Variants in L3MBTL4 observed in about 807,000 individuals in gnomAD.
The protein encoded by L3MBTL4 is L3MBTL histone methyl-lysine binding protein 4, also known as lethal(3)malignant brain tumor-like protein 4.
Under a neutral mutation model 84.5 loss-of-function variants are expected in L3MBTL4, and 70 were observed. That is an observed-to-expected ratio of 0.83 (90% CI 0.68 to 1.01). L3MBTL4 has a LOEUF of 1.01. L3MBTL4 is among the 50% of genes least tolerant of loss of function. L3MBTL4 has a pLI of 0.00. For synonymous variants in L3MBTL4, 274 were observed against 259.8 expected (o/e 1.05, Z -0.52); for missense variants, 715 against 754.8 (o/e 0.95, Z 0.62).
intron 15 of L3MBTL4, among the ~76,000 whole-genome samples, chr18:6,091,735 G>GCAGTTCAAAGAT (rs1428431817): frequency 2.0e-5 from 3 of 152,086 alleles, no homozygotes; most frequent in Admixed American, 6.5e-5. Flanking sequence ...TTTTTTTAAG[G>GCAGTTCAAAGAT]CAGTTCAAAG....
intron 14 of L3MBTL4, among the ~76,000 whole-genome samples, chr18:6,125,917 T>C (rs1034447043): frequency 6.6e-6 from 1 of 152,186 alleles, no homozygotes; most frequent in African/African-American, 2.4e-5. Flanking sequence ...TAAGAGTCAT[T>C]TCTAACTAAC....
intron 16 of L3MBTL4, among the ~76,000 whole-genome samples, chr18:6,062,485 C>T (rs925706398): frequency 2.0e-5 from 3 of 151,876 alleles, no homozygotes; most frequent in Non-Finnish European, 4.4e-5. Context: ...TCTTGGTATT[C>T]TTTGTGCTTA....
At chr18:6,325,763 C>T (rs1046412659) in intron 1 of L3MBTL4, among the ~76,000 whole-genome samples, 3 of 152,136 alleles carry the variant, frequency 2.0e-5, no homozygotes, top group Middle Eastern at 3.4e-3. Context: ...ATGTATGTTG[C>T]CTTGTATAAA....
rs1169061804 is a variant in L3MBTL4, at chr18:6,237,992, C to G, written c.756G>C (p.Glu252Asp). The G allele has an allele frequency of 6.2e-7, 1 of 1,614,146 alleles. No individual in the cohort carries two copies. Among genetic ancestry groups the G allele is most frequent in the African/African-American group, 1.3e-5 (1 of 75,026 alleles). Residue 252 changes from glutamate (E) to aspartate (D), a missense_variant, in exon 10 of 19, where the codon GAG becomes GAC. Physicochemically the swap from Glu to Asp is conservative, Grantham distance 45. Coordinates refer to ENST00000317931, the MANE Select transcript of L3MBTL4 (RefSeq NM_001330559.2). ...PYVQPVGWCQ[E>D]NGRTLIAPQG... ...GGGGTGCTATCAGAGTTCTTCCATT[C>G]TCCTGACACCAACCAACTGGCTGGA...
intron 12 of L3MBTL4, among the ~76,000 whole-genome samples, chr18:6,202,047 C>G (rs1226992889): frequency 1.3e-5 from 2 of 152,130 alleles, no homozygotes; most frequent in African/African-American, 4.8e-5. Context: ...CACCAACTTT[C>G]AGCCAGTCAA....
chr18:5,993,197 CTG>C (rs1385177102), intron 16 of L3MBTL4, among the ~76,000 whole-genome samples: 9 of 152,342 alleles, frequency 5.9e-5, no homozygotes, highest in Middle Eastern at 3.4e-3. Flanking sequence ...ACACCGTCCT[CTG>C]TTTCTACACA....
At chr18:6,063,299 CTGTGTGTGTGTGTGTG>C (rs61413638) in intron 16 of L3MBTL4, among the ~76,000 whole-genome samples, 26 of 141,246 alleles carry the variant, frequency 1.8e-4, no homozygotes, top group South Asian at 2.4e-4. Flanking sequence ...CTATAAATAT[CTGTGTGTGTGTGTGTG>C]TGTGTGTGTG....
intron 14 of L3MBTL4, among the ~76,000 whole-genome samples, chr18:6,118,013 C>T (rs1274307651): frequency 1.3e-5 from 2 of 152,104 alleles, no homozygotes; most frequent in African/African-American, 4.8e-5. Flanking sequence ...AGGCCACACT[C>T]CCAACCTCTG....
chr18:5,965,017 G>A (rs1207761802), intron 17 of L3MBTL4, among the ~76,000 whole-genome samples: 1 of 152,158 alleles, frequency 6.6e-6, no homozygotes, highest in Non-Finnish European at 1.5e-5. Context: ...TCCTGTACAA[G>A]ATATTTTCAT....
chr18:6,196,862 G>T (rs74600164), intron 12 of L3MBTL4, among the ~76,000 whole-genome samples: 285 of 152,302 alleles, frequency 1.9e-3, no homozygotes, highest in African/African-American at 6.3e-3. Flanking sequence ...CTCCTATTCA[G>T]GGAGCCAACA....
chr18:6,316,615 A>T (rs1333636396), intron 1 of L3MBTL4, among the ~76,000 whole-genome samples: 1 of 152,152 alleles, frequency 6.6e-6, no homozygotes, highest in East Asian at 1.9e-4. Flanking sequence ...TCACATTAGG[A>T]GTGCCCTCCA....
At chr18:6,116,974 T>C (rs935489365) in intron 14 of L3MBTL4, among the ~76,000 whole-genome samples, 2 of 152,228 alleles carry the variant, frequency 1.3e-5, no homozygotes, top group Non-Finnish European at 2.9e-5. Context: ...TTTTGTGGGT[T>C]CCAGAACTTC....
intron 1 of L3MBTL4, among the ~76,000 whole-genome samples, chr18:6,315,707 C>A (rs1379326964): frequency 3.9e-5 from 6 of 152,138 alleles, no homozygotes; most frequent in African/African-American, 1.4e-4. Context: ...CAAATCCTTG[C>A]CACACACAAT....
At chr18:6,152,820 G>C (rs543816961) in intron 13 of L3MBTL4, among the ~76,000 whole-genome samples, 1 of 152,004 alleles carries the variant, frequency 6.6e-6, no homozygotes, top group Non-Finnish European at 1.5e-5. Flanking sequence ...CCAATGTCTT[G>C]ATAAAGCTTT....
intron 16 of L3MBTL4, among the ~76,000 whole-genome samples, chr18:6,023,805 G>A (rs1373338341): frequency 6.6e-6 from 1 of 152,188 alleles, no homozygotes; most frequent in Non-Finnish European, 1.5e-5. Context: ...TTCCAAGTGG[G>A]ATCTGAAGTT....
chr18:5,974,673 A>G (rs2052814750), intron 16 of L3MBTL4, among the ~76,000 whole-genome samples: 1 of 152,204 alleles, frequency 6.6e-6, no homozygotes, highest in South Asian at 2.1e-4. Flanking sequence ...GATTAAAAAG[A>G]AAAGTATTCA....
At chr18:6,182,963 T>C (rs552997055) in intron 12 of L3MBTL4, among the ~76,000 whole-genome samples, 17 of 152,376 alleles carry the variant, frequency 1.1e-4, no homozygotes, top group African/African-American at 4.1e-4. Context: ...ATTGAAGGCC[T>C]GATGCAGAGG....
chr18:6,259,396 T>C (rs943193806), intron 5 of L3MBTL4: 2 of 152,340 alleles, frequency 1.3e-5, no homozygotes, highest in African/African-American at 4.8e-5. Flanking sequence ...TTTGACTTTA[T>C]AATAATAAGC....
At chr18:6,074,520 G>A (rs28833300) in intron 16 of L3MBTL4, among the ~76,000 whole-genome samples, 1,753 of 152,328 alleles carry the variant, frequency 0.012, 41 homozygotes, top group African/African-American at 0.04. Context: ...ATTGGTCACT[G>A]ATGATGATGA....
Sources: gnomAD v4.1 joint callset for allele counts (sites outside exome capture counted in the v4.1 genomes callset) on GRCh38, gnomAD v4.1.1 for gene constraint, MANE v1.5 for transcripts, NCBI Gene and HGNC (gene_info 2026-07-23, HGNC 2026-07-21) for gene names.